FAM131A: variants seen among roughly 807,000 people sequenced by gnomAD.
FAM131A encodes protein FAM131A.
In FAM131A, 24 loss-of-function variants were observed where a neutral mutation model predicts 39.2. The observed-to-expected ratio is 0.61, with a 90% CI of 0.44 to 0.86. The LOEUF is 0.86. Ranked by LOEUF, FAM131A falls within the 40% of genes least tolerant of loss-of-function variation. The pLI is 0.00. For missense variants in FAM131A, 373 were observed against 481.2 expected (o/e 0.78, Z 2.10); for synonymous variants, 202 against 206.8 (o/e 0.98, Z 0.20).
At chr3:184,336,420 G>A (rs1017071259), upstream of FAM131A, among the ~76,000 whole-genome samples, 3 of 152,170 alleles carry the variant, frequency 2.0e-5, no homozygotes, top group Non-Finnish European at 4.4e-5. This position sits in a 1 kb window ranked among gnomAD's most constrained non-coding sequence, Gnocchi z 5.5. Flanking sequence ...GCCCCGGGAG[G>A]GGCTGGGCAG....
chr3:184,343,005 G>A (rs1560243465), intron 5 of FAM131A, 145 bp downstream of exon 5: 2 of 615,618 alleles, frequency 3.2e-6, no homozygotes, highest in Non-Finnish European at 5.8e-6. Context: ...ACACTCCAGG[G>A]ACAGGAAGGC....
intron 2 of FAM131A, 94 bp from the exon 3 acceptor site, chr3:184,341,630 T>C (rs1239676371): frequency 9.1e-6 from 9 of 987,830 alleles, no homozygotes; most frequent in Non-Finnish European, 1.2e-5. Flanking sequence ...TCCTAGCTCC[T>C]GTCTCCTCCT....
chr3:184,344,737 G>C lies in FAM131A; in HGVS notation c.868G>C (p.Glu290Gln). ...TCTCGCCAAACTGCCCCCCAGCCGG[G>C]AAAGTGCCTTCCGCAGCCTGGGCCC... ...LLLAKLPPSR[E>Q]SAFRSLGPLE... The change falls in exon 6 of 6, where the codon GAA becomes CAA. Residue 290 changes from glutamate to glutamine, a missense_variant. Glu to Gln is a conservative substitution (Grantham distance 29, BLOSUM62 2). This residue lies in a region of FAM131A where 152 missense variants were observed against 133.5 expected (regional missense o/e 1.14). Transcript: ENST00000383847. 2 of 1,612,434 alleles carry C rather than the reference G, an allele frequency of 1.2e-6. No individual in the cohort carries two copies. Among genetic ancestry groups the C allele is most frequent in the Non-Finnish European group, 8.5e-7 (1 of 1,179,980 alleles).
chr3:184,339,213 G>A (rs1354429523), intron 2 of FAM131A: 1 of 152,348 alleles, frequency 6.6e-6, no homozygotes, highest in African/African-American at 2.4e-5. Flanking sequence ...GCCATCCTGA[G>A]CTCCCTCGGG....
In FAM131A at chr3:184,337,681, G is replaced by C; in HGVS notation, c.51G>C (p.Gly17=). ...LGKMFLWQRE[G]PGGRWTCQTS... is the part of the protein sequence containing the mutation. ...AAATGTTTCTGTGGCAGCGTGAAGG[G>C]CCTGGAGGACGATGGACTTGTCAGA... The change falls in exon 1 of 6, where the codon GGG becomes GGC. Residue 17 remains glycine (G), a synonymous_variant. Transcript: ENST00000383847. 2 of 1,537,274 alleles carry C rather than the reference G, an allele frequency of 1.3e-6. No homozygotes were observed. Among genetic ancestry groups the C allele is most frequent in the Non-Finnish European group, 1.7e-6 (2 of 1,146,920 alleles).
chr3:184,336,490 C>G (rs1334574276), upstream of FAM131A, among the ~76,000 whole-genome samples: 1 of 152,244 alleles, frequency 6.6e-6, no homozygotes, highest in Non-Finnish European at 1.5e-5. This position sits in a 1 kb window ranked among gnomAD's most constrained non-coding sequence, Gnocchi z 5.5. Context: ...CACACACACT[C>G]CCCTCCGCCT....
intron 3 of FAM131A, 94 bp downstream of exon 3, chr3:184,341,911 G>A (rs775197270): frequency 4.6e-6 from 7 of 1,516,566 alleles, no homozygotes; most frequent in Admixed American, 1.7e-5. Flanking sequence ...ACATGCTGGG[G>A]TCTCCCCTTT....
chr3:184,344,275 G>A (rs570321338), intron 5 of FAM131A, among the ~76,000 whole-genome samples: 83 of 152,280 alleles, frequency 5.5e-4, no homozygotes, highest in African/African-American at 1.7e-3. Context: ...GTGAGCCACC[G>A]CACCCACCTG....
In FAM131A at chr3:184,344,472, CTTCTT is replaced by C. The variant is rs1266120554; in HGVS notation, c.626-18_626-14del. The C allele has an allele frequency of 6.6e-7, 1 of 1,513,298 alleles. No individual in the cohort carries two copies. Among genetic ancestry groups the C allele is most frequent in the Non-Finnish European group, 8.8e-7 (1 of 1,131,530 alleles). The allele number at this position is 1,513,298 out of a possible 1,614,324, so 93.7% of individuals were successfully genotyped here. A position where few individuals can be genotyped will look rare whatever the true frequency, so the allele number is the denominator to read the frequency against. On this transcript the variant is annotated intron_variant, in intron 5 of 5. Coordinates refer to ENST00000383847, the MANE Select transcript of FAM131A (RefSeq NM_144635.5). ...GTTGAAATGGAGCCAGCAGGACTGT[CTTCTT>C]TTCTCTTCTCCTCACAGACATGGCT...
At position 184,345,244 on chromosome 3, in the gene FAM131A, T is replaced by C; in HGVS notation, c.*274T>C. ...CTACAGCTGTGGCAGACAGTGATGT[T>C]CATGTTCTTAAAATGCCACACACAC... On this transcript the variant is annotated 3_prime_UTR_variant, in exon 6 of 6. Transcript: ENST00000383847. 1.7e-6 allele frequency: 1 copy of C among 574,272 alleles called. No homozygotes were observed. The highest frequency in any genetic ancestry group is 3.1e-6 in the Non-Finnish European group (1 of 327,210). The allele number at this position is 574,272 out of a possible 1,614,324, so 35.6% of individuals were successfully genotyped here.
intron 2 of FAM131A, chr3:184,339,843 G>C (rs1027867355): frequency 6.5e-6 from 1 of 152,700 alleles, no homozygotes; most frequent in African/African-American, 2.4e-5. Context: ...TCACAGAGTG[G>C]GATCCTTCAG....
chr3:184,338,779 G>A (rs1727241797), intron 2 of FAM131A: 1 of 467,350 alleles, frequency 2.1e-6, no homozygotes, highest in Non-Finnish European at 3.8e-6. Context: ...AGACCCTGTT[G>A]CGTGGTGATG....
At chr3:184,341,367 TA>T (rs1727369053) in intron 2 of FAM131A, 1 of 295,658 alleles carries the variant, frequency 3.4e-6, no homozygotes, top group Non-Finnish European at 6.4e-6. Flanking sequence ...AAGGGAATCT[TA>T]AAGAAGTCCT....
upstream of FAM131A, chr3:184,337,299 T>G (rs1727163519): frequency 3.9e-6 from 1 of 254,306 alleles, no homozygotes; most frequent in South Asian, 6.1e-5. Context: ...CTGTTTTCCT[T>G]CTGGTTGGTA....
In FAM131A at chr3:184,338,513, G is replaced by C. The variant is rs1727220348; in HGVS notation, c.215G>C (p.Ser72Thr). 2.0e-6 allele frequency: 3 copies of C among 1,536,582 alleles called. No homozygotes were observed. Among genetic ancestry groups the C allele is most frequent in the Admixed American group, 2.0e-5 (1 of 50,900 alleles). The change falls in exon 2 of 6, where the codon AGT (serine) becomes ACT (threonine). Residue 72 changes from serine (S) to threonine (T), a missense_variant. This residue lies in a region of FAM131A where 221 missense variants were observed against 347.7 expected (regional missense o/e 0.64). Transcript: ENST00000383847. Reference sequence around the variant, plus strand: ...TCCTCCCGCCCTTCCTCGGTGGACAGTCAGGACTTGCCAGAGGTGCTGGGC... The same window carrying C: ...TCCTCCCGCCCTTCCTCGGTGGACACTCAGGACTTGCCAGAGGTGCTGGGC... Reference protein sequence around the residue: ...SRSSRPSSVDSQDLPEVNVGD... With the variant: ...SRSSRPSSVDTQDLPEVNVGD...
Position 184,341,834 on chromosome 3 carries a change from A to G in FAM131A, c.325+17A>G, listed in dbSNP as rs367965687. ...CCCTGCATGGTATGCAGCCCCTCCCATGTTTCTGGCCACTTTGTCCTTTCT... is the reference window on the plus strand; with the variant it reads ...CCCTGCATGGTATGCAGCCCCTCCCGTGTTTCTGGCCACTTTGTCCTTTCT... On this transcript the variant is annotated intron_variant, in intron 3 of 5. Coordinates refer to ENST00000383847, the MANE Select transcript of FAM131A (RefSeq NM_144635.5). 5.6e-6 allele frequency: 9 copies of G among 1,613,458 alleles called. No individual in the cohort carries two copies. In the African/African-American group the frequency reaches 1.1e-4, roughly 19 times the overall value.
Position 184,342,878 on chromosome 3 carries a change from C to T in FAM131A, c.625+18C>T. 1 of 1,602,414 alleles carries T rather than the reference C, an allele frequency of 6.2e-7. No individual in the cohort carries two copies. The highest frequency in any genetic ancestry group is 8.5e-7 in the Non-Finnish European group (1 of 1,169,954). ...GGACACAGGTGAGGGACATCCTGGG[C>T]TAGGGCTGTGGTGGACCCACCTGAT... On this transcript the variant is annotated intron_variant, in intron 5 of 5. Transcript: ENST00000383847. This position sits in a 1 kb window ranked among gnomAD's most constrained non-coding sequence, Gnocchi z 4.6.
At chr3:184,336,883 G>C (rs571364313), upstream of FAM131A, among the ~76,000 whole-genome samples, 1 of 152,256 alleles carries the variant, frequency 6.6e-6, no homozygotes, top group African/African-American at 2.4e-5. The surrounding 1 kb of genome is among the most constrained non-coding windows in gnomAD (Gnocchi z 5.5). Context: ...GGGCCTGGCC[G>C]TAGTCCTGTG....
At position 184,337,735 on chromosome 3, in the gene FAM131A, T is replaced by C. The variant is rs1035525789; in HGVS notation, c.88+17T>C. 2.6e-6 allele frequency: 4 copies of C among 1,536,064 alleles called. No homozygotes were observed. The highest frequency in any genetic ancestry group is 3.5e-6 in the Non-Finnish European group (4 of 1,145,958). On this transcript the variant is annotated intron_variant, in intron 1 of 5. Transcript: ENST00000383847. Reference sequence around the variant, plus strand: ...GTCGCAGAGGTGAGACCAGGGATCATGGATGTGATCTGGGAGATGATGGGA... The same window carrying C: ...GTCGCAGAGGTGAGACCAGGGATCACGGATGTGATCTGGGAGATGATGGGA...
Sources: allele counts gnomAD v4.1 joint callset (sites outside exome capture counted in the v4.1 genomes callset), GRCh38; gene constraint gnomAD v4.1.1; regional missense constraint gnomAD v4.1.1; non-coding constraint Gnocchi (gnomAD v3.1); transcripts MANE v1.5; gene names NCBI Gene and HGNC (gene_info 2026-07-23, HGNC 2026-07-21).